The following KAT14 variants were observed in gnomAD, a reference collection of about 807,000 sequenced individuals.
The protein encoded by KAT14 is lysine acetyltransferase 14.
In KAT14, 66 loss-of-function variants were observed where a neutral mutation model predicts 78.4. The observed-to-expected ratio is 0.84, with a 90% CI of 0.69 to 1.03. The LOEUF is 1.03. Among genes scored for constraint, KAT14 ranks in the 50% least tolerant of loss-of-function variants. The pLI is 0.00. For synonymous variants in KAT14, 344 were observed against 359.4 expected (o/e 0.96, Z 0.48); for missense variants, 870 against 972.5 (o/e 0.89, Z 1.40).
chr20:18,144,096 G>T (rs1425765120), intron 2 of KAT14, among the ~76,000 whole-genome samples: 1 of 152,214 alleles, frequency 6.6e-6, no homozygotes, highest in Non-Finnish European at 1.5e-5. Context: ...AACCAAGTCA[G>T]AGAAATACAT....
chr20:18,138,327 T>A, intron 1 of KAT14: 1 of 1,141,120 alleles, frequency 8.8e-7, no homozygotes, highest in Non-Finnish European at 1.1e-6. Flanking sequence ...GGGGCCTTGC[T>A]CCGCACAGGC....
chr20:18,141,126 G>A (rs57508015), intron 1 of KAT14, among the ~76,000 whole-genome samples: 49 of 147,570 alleles, frequency 3.3e-4, no homozygotes, highest in Non-Finnish European at 6.4e-4. Context: ...CAGTCTGCCT[G>A]CCTTGGCCTA....
intron 1 of KAT14, among the ~76,000 whole-genome samples, chr20:18,141,137 AGATTACAGGAGTGCTGG>A (rs958682309): frequency 7.4e-5 from 11 of 149,092 alleles, no homozygotes; most frequent in Admixed American, 2.7e-4. Flanking sequence ...CCTTGGCCTA[AGATTACAGGAGTGCTGG>A]GATTACAGGA....
At chr20:18,153,911 T>G (rs1171895888) in intron 4 of KAT14, among the ~76,000 whole-genome samples, 1 of 152,224 alleles carries the variant, frequency 6.6e-6, no homozygotes. Context: ...CTGGATCCCA[T>G]GGCATATAAT....
chr20:18,179,605 G>A (rs781187199), intron 7 of KAT14, among the ~76,000 whole-genome samples: 4 of 152,132 alleles, frequency 2.6e-5, no homozygotes, highest in Non-Finnish European at 5.9e-5. Flanking sequence ...GGCACAGGGC[G>A]GCAAGTCCCC....
chr20:18,142,629 A>G lies in KAT14; in HGVS notation c.-32A>G, dbSNP rs1427501140. The G allele has an allele frequency of 3.1e-6, 5 of 1,612,710 alleles. No individual in the cohort carries two copies. Among genetic ancestry groups the G allele is most frequent in the Admixed American group, 3.3e-5 (2 of 59,926 alleles). ...TGTCCAGTGCTTAGGGTTGTTACTGAGAAGCACTGCCGAGCTTGTGAGAAG... is the reference window on the plus strand; with the variant it reads ...TGTCCAGTGCTTAGGGTTGTTACTGGGAAGCACTGCCGAGCTTGTGAGAAG... On this transcript the variant is annotated 5_prime_UTR_variant, in exon 2 of 11. Coordinates refer to ENST00000688188, the MANE Select transcript of KAT14 (RefSeq NM_001392073.1).
rs539641731 is a variant in KAT14, at chr20:18,187,796, T to A, written c.*337T>A. 6.5e-6 allele frequency: 2 copies of A among 305,526 alleles called. No homozygotes were observed. Among genetic ancestry groups the A allele is most frequent in the Non-Finnish European group, 1.2e-5 (2 of 165,022 alleles). The allele number at this position is 305,526 out of a possible 1,614,324, so 18.9% of individuals were successfully genotyped here. On this transcript the variant is annotated 3_prime_UTR_variant, in exon 11 of 11. Transcript: ENST00000688188. ...CTCTTGGAGAGAGATAACCTGTCTG[T>A]CATAACTTAAAGGATGAGAAAATGT...
intron 1 of KAT14, chr20:18,138,359 T>C: frequency 9.3e-7 from 1 of 1,077,368 alleles, no homozygotes; most frequent in Non-Finnish European, 1.1e-6. Flanking sequence ...GCTTTTGGGG[T>C]GCCCAGTGGC....
chr20:18,138,830 G>A (rs1166463160), intron 1 of KAT14, among the ~76,000 whole-genome samples: 20 of 152,136 alleles, frequency 1.3e-4, no homozygotes, highest in Non-Finnish European at 5.9e-5. Context: ...CTGTGTGGAA[G>A]CTACCTCACT....
chr20:18,182,221 A>G (rs1007103111), intron 8 of KAT14, among the ~76,000 whole-genome samples: 8 of 151,652 alleles, frequency 5.3e-5, no homozygotes, highest in Non-Finnish European at 8.8e-5. Flanking sequence ...TCCGGGGTTC[A>G]GGGAATTATC....
In KAT14 at chr20:18,161,804, A is replaced by G. The variant is rs754299010; in HGVS notation, c.683-19A>G. ...TTCAGATGAGGGATACTCAGCCTGT[A>G]TTTATTCTTTCTTAGCAGCCTCAAA... On this transcript the variant is annotated intron_variant, in intron 5 of 10. Coordinates refer to ENST00000688188, the MANE Select transcript of KAT14 (RefSeq NM_001392073.1). 2 of 1,606,808 alleles carry G rather than the reference A, an allele frequency of 1.2e-6. No individual in the cohort carries two copies. Among genetic ancestry groups the G allele is most frequent in the South Asian group, 2.2e-5 (2 of 90,090 alleles).
At chr20:18,171,411 T>C (rs2038840031) in intron 7 of KAT14, among the ~76,000 whole-genome samples, 1 of 152,250 alleles carries the variant, frequency 6.6e-6, no homozygotes. Context: ...ATTGTTGAAA[T>C]CTCACAACAA....
intron 1 of KAT14, among the ~76,000 whole-genome samples, chr20:18,139,261 G>A (rs1266149366): frequency 2.6e-5 from 4 of 152,196 alleles, no homozygotes; most frequent in Non-Finnish European, 5.9e-5. Context: ...TTGGAATAGA[G>A]GCAGAAGACT....
intron 4 of KAT14, among the ~76,000 whole-genome samples, chr20:18,153,384 G>A (rs1436089816): frequency 6.6e-6 from 1 of 152,140 alleles, no homozygotes; most frequent in African/African-American, 2.4e-5. Context: ...AAAGAAATCT[G>A]TTGTTTAGTT....
At chr20:18,141,027 T>TTTTTA (rs2037534205) in intron 1 of KAT14, among the ~76,000 whole-genome samples, 2 of 11,678 alleles carry the variant, frequency 1.7e-4, no homozygotes, top group African/African-American at 3.8e-4. Flanking sequence ...CCTGCAATTT[T>TTTTTA]TTTTTTTTTT....
intron 5 of KAT14, among the ~76,000 whole-genome samples, chr20:18,161,105 C>T (rs1262887854): frequency 2.7e-5 from 4 of 148,300 alleles, no homozygotes; most frequent in Middle Eastern, 6.8e-3. Flanking sequence ...ACCCGGGAGG[C>T]GGAGGTTGCA....
At position 18,162,436 on chromosome 20, in the gene KAT14, C is replaced by G. The variant is rs755029106; in HGVS notation, c.1159C>G (p.Pro387Ala). The G allele has an allele frequency of 5.0e-6, 8 of 1,614,114 alleles. No individual in the cohort carries two copies. Among genetic ancestry groups the G allele is most frequent in the South Asian group, 1.1e-5 (1 of 91,070 alleles). Residue 387 changes from proline (P) to alanine (A), a missense_variant, in exon 7 of 11, where the codon CCT becomes GCT. Physicochemically the swap from Pro to Ala is conservative, Grantham distance 27. Transcript: ENST00000688188. ...IDPGMEYVPP[P>A]AGSVASGPVV... ...CCCAGGGATGGAGTACGTCCCACCC[C>G]CTGCTGGGTCAGTAGCTTCTGGGCC...
At chr20:18,180,962 T>C (rs1365460348) in intron 7 of KAT14, among the ~76,000 whole-genome samples, 3 of 152,138 alleles carry the variant, frequency 2.0e-5, no homozygotes, top group Non-Finnish European at 4.4e-5. Context: ...TATACAGTAG[T>C]AGTTGGCCCC....
intron 10 of KAT14, 24 bp from the exon 11 acceptor site, chr20:18,187,262 T>C: frequency 1.9e-6 from 3 of 1,572,602 alleles, no homozygotes; most frequent in Non-Finnish European, 8.6e-7. Flanking sequence ...ATTTTTATCT[T>C]GTATTTTTCC....
Sources: gnomAD v4.1 joint callset for allele counts (sites outside exome capture counted in the v4.1 genomes callset) on GRCh38, gnomAD v4.1.1 for gene constraint, MANE v1.5 for transcripts, NCBI Gene and HGNC (gene_info 2026-07-23, HGNC 2026-07-21) for gene names.